Variants in ITGA10 observed in about 807,000 individuals in gnomAD.
ITGA10 encodes the protein integrin alpha-10.
ITGA10 carries 105 observed loss-of-function variants against 145.2 expected under a neutral mutation model. The ratio of observed to expected loss-of-function variants is 0.72; its 90% confidence interval spans 0.62 to 0.85. ITGA10 has a LOEUF of 0.85. ITGA10 is among the 40% of genes least tolerant of loss of function. The pLI, the probability that ITGA10 is intolerant of heterozygous loss-of-function variation, is 0.00. For synonymous variants in ITGA10, 506 were observed against 557.8 expected, an observed-to-expected ratio of 0.91 and a Z score of 1.31; for missense variants, 1,317 against 1,444.5, an observed-to-expected ratio of 0.91 and a Z score of 1.43.
chr1:145,894,840 G>A (rs2101750208), intron 27 of ITGA10, among the ~76,000 whole-genome samples: 1 of 152,320 alleles, frequency 6.6e-6, no homozygotes, highest in African/African-American at 2.4e-5. Flanking sequence ...TTAGGCATGA[G>A]GCTAAATGTT....
chr1:145,894,411 T>A (rs1255865882), intron 27 of ITGA10, among the ~76,000 whole-genome samples: 3 of 152,054 alleles, frequency 2.0e-5, no homozygotes, highest in Admixed American at 2.0e-4. Context: ...CGCCCGGCCA[T>A]GTAGTGGTTT....
chr1:145,908,211 A>G (rs1553752032), intron 1 of ITGA10, among the ~76,000 whole-genome samples: 1 of 152,150 alleles, frequency 6.6e-6, no homozygotes, highest in Admixed American at 6.5e-5. Flanking sequence ...GAAGCTAAGG[A>G]GCACTGCATG....
intron 27 of ITGA10, among the ~76,000 whole-genome samples, chr1:145,894,015 C>T (rs1655047338): frequency 6.6e-6 from 1 of 150,822 alleles, no homozygotes; most frequent in African/African-American, 2.4e-5. Flanking sequence ...CTGTTTTTCA[C>T]TCCTGAACTA....
chr1:145,903,658 T>C (rs1553750021), intron 7 of ITGA10, among the ~76,000 whole-genome samples: 1 of 151,978 alleles, frequency 6.6e-6, no homozygotes. Context: ...CTTCTTTTTT[T>C]TTTTTTAAGG....
rs782630037 is a variant in ITGA10, at chr1:145,901,298, G to A, written c.1444-20C>T. ...ACCAATCTGGGGAATGGTGGGTGAT[G>A]ATGACCCCAGAGAAAAGGGAAGGTA... is the stretch of plus-strand genomic sequence containing the variant. On this transcript the variant is annotated intron_variant, in intron 12 of 29. Transcript: ENST00000369304. The surrounding 1 kb of genome is among the most constrained non-coding windows in gnomAD (Gnocchi z 4.3). 1 of 1,613,428 alleles carries A rather than the reference G, an allele frequency of 6.2e-7. No homozygotes were observed. Among genetic ancestry groups the A allele is most frequent in the Non-Finnish European group, 8.5e-7 (1 of 1,179,596 alleles).
Position 145,896,789 on chromosome 1 carries a change from C to T in ITGA10, c.2814G>A (p.Glu938=), listed in dbSNP as rs1214760376. 1 of 1,613,910 alleles carries T rather than the reference C, an allele frequency of 6.2e-7. No individual in the cohort carries two copies. The highest frequency in any genetic ancestry group is 1.7e-5 in the Admixed American group (1 of 60,004). The change falls in exon 23 of 30, where the codon GAG becomes GAA. Residue 938 remains glutamate (E), a synonymous_variant. Coordinates refer to ENST00000369304, the MANE Select transcript of ITGA10 (RefSeq NM_003637.5). ...CATACCTAGAGAACAGGAGGTGGGG[C>T]TCATATTGGATGTAGGCTGAGGTCT... ...TAQTSAYIQY[E]PHLLFSSEST...
intron 28 of ITGA10, 82 bp from the exon 29 acceptor site, chr1:145,893,356 C>G (rs144842594): frequency 2.7e-6 from 3 of 1,098,720 alleles, no homozygotes; most frequent in Admixed American, 3.5e-5. Flanking sequence ...AGCCAGCCCC[C>G]AAATAGAATA....
At chr1:145,897,361 T>A (rs1553745587) in intron 20 of ITGA10, 22 bp from the exon 21 acceptor site, 4 of 1,612,916 alleles carry the variant, frequency 2.5e-6, no homozygotes, top group Non-Finnish European at 3.4e-6. Context: ...GGAATGGAGA[T>A]AGAAGCTGGA....
chr1:145,895,566 C>T (rs1655266428), intron 26 of ITGA10, 65 bp downstream of exon 26: 1 of 1,530,214 alleles, frequency 6.5e-7, no homozygotes. Context: ...AGTTCCTACC[C>T]TCTTGTCCCA....
At chr1:145,894,398 C>G (rs1428500787) in intron 27 of ITGA10, among the ~76,000 whole-genome samples, 1 of 152,120 alleles carries the variant, frequency 6.6e-6, no homozygotes, top group South Asian at 2.1e-4. Context: ...GCGTGAGCCA[C>G]CGCGCCCGGC....
At chr1:145,904,638 T>C (rs1448290454) in intron 6 of ITGA10, 46 bp downstream of exon 6, 10 of 1,606,884 alleles carry the variant, frequency 6.2e-6, no homozygotes, top group Non-Finnish European at 8.5e-6. Flanking sequence ...ACCTCTTAAG[T>C]AGGTGCCACA....
Position 145,897,640 on chromosome 1 carries a change from C to A in ITGA10, c.2446G>T (p.Val816Leu), listed in dbSNP as rs1036196789. Reference sequence around the variant, plus strand: ...ACTTTCCGCCGGCCACCTCGAACCACAAATGGGGCCTTCCTGGGAATGATG... The same window carrying A: ...ACTTTCCGCCGGCCACCTCGAACCAAAAATGGGGCCTTCCTGGGAATGATG... ...DIRGSRKAPF[V>L]VRGGRRKVLV... The change falls in exon 20 of 30, where the codon GTG becomes TTG. Residue 816 changes from valine (V) to leucine (L), a missense_variant. Transcript: ENST00000369304. 12 of 1,614,140 alleles carry A rather than the reference C, an allele frequency of 7.4e-6. No homozygotes were observed. The highest frequency in any genetic ancestry group is 1.0e-5 in the Non-Finnish European group (12 of 1,180,044).
chr1:145,904,067 G>C lies in ITGA10; in HGVS notation c.743C>G (p.Ala248Gly), dbSNP rs782416741. ...REGRETKTAQ[A>G]IMVACTEGFS... Reference sequence around the variant, plus strand: ...AATGCCTCACCAGGCCACCATTATTGCTTGGGCAGTCTTTGTTTCTCGTCC... The same window carrying C: ...AATGCCTCACCAGGCCACCATTATTCCTTGGGCAGTCTTTGTTTCTCGTCC... The change falls in exon 7 of 30, where the codon GCA (alanine) becomes GGA (glycine). Residue 248 changes from alanine (A) to glycine (G), a missense_variant. Ala to Gly is a moderately conservative substitution (Grantham distance 60, BLOSUM62 0). Transcript: ENST00000369304. 2 of 1,613,806 alleles carry C rather than the reference G, an allele frequency of 1.2e-6. No homozygotes were observed. The highest frequency in any genetic ancestry group is 1.7e-6 in the Non-Finnish European group (2 of 1,179,992).
chr1:145,897,599 A>T lies in ITGA10; in HGVS notation c.2487T>A (p.Thr829=), dbSNP rs1434255970. Residue 829 remains threonine (T), a synonymous_variant, in exon 20 of 30, where the codon ACT becomes ACA. Coordinates refer to ENST00000369304, the MANE Select transcript of ITGA10 (RefSeq NM_003637.5). ...AAGCATTTTCCTTTCTGTTCTCCAG[A>T]GTTGTAGATACCAGCACTTTCCGCC... The part of the protein sequence containing the change: ...GGRRKVLVST[T]LENRKENAYN... The T allele has an allele frequency of 6.8e-6, 11 of 1,614,006 alleles. No homozygotes were observed. Among genetic ancestry groups the T allele is most frequent in the Admixed American group, 1.7e-5 (1 of 59,984 alleles).
chr1:145,896,989 A>G (rs367841274), intron 22 of ITGA10, 22 bp downstream of exon 22: 1 of 1,607,798 alleles, frequency 6.2e-7, no homozygotes, highest in Non-Finnish European at 8.5e-7. Context: ...GAGGTCTGGA[A>G]GAAAGTTCCC....
chr1:145,900,835 G>T lies in ITGA10; in HGVS notation c.1746C>A (p.Tyr582Ter), dbSNP rs1656194255. Residue 582 changes from tyrosine to a stop codon, truncating the protein, a stop_gained, in exon 14 of 30, where the codon TAC (tyrosine) becomes TAA (stop). Coordinates refer to ENST00000369304, the MANE Select transcript of ITGA10 (RefSeq NM_003637.5). LOFTEE classifies it high-confidence loss of function. ...CTCCACTCTGGGTTCCATGGTACAGGTACAGTGCTCCCTGGTGCCCATCTT... is the reference window on the plus strand; with the variant it reads ...CTCCACTCTGGGTTCCATGGTACAGTTACAGTGCTCCCTGGTGCCCATCTT... ...PLEDGHQGALYLYHGTQSGVR... is the reference protein window; with the variant it reads ...PLEDGHQGAL The T allele has an allele frequency of 1.9e-6, 3 of 1,613,964 alleles. No homozygotes were observed. Among genetic ancestry groups the T allele is most frequent in the Non-Finnish European group, 2.5e-6 (3 of 1,180,022 alleles).
intron 10 of ITGA10, 21 bp downstream of exon 10, chr1:145,902,225 G>A (rs1010262268): frequency 1.9e-6 from 3 of 1,611,736 alleles, no homozygotes; most frequent in Admixed American, 1.7e-5. Flanking sequence ...GAGAAGTAAT[G>A]AAGGGGTCAA....
intron 27 of ITGA10, 96 bp from the exon 28 acceptor site, chr1:145,893,731 A>G (rs1655008773): frequency 2.2e-6 from 2 of 920,028 alleles, no homozygotes; most frequent in Non-Finnish European, 1.7e-6. Context: ...GCTGAGAGGC[A>G]TAATGTTGAG....
Position 145,892,811 on chromosome 1 carries a change from T to C in ITGA10, c.3491A>G (p.Lys1164Arg). Residue 1164 changes from lysine to arginine, a missense_variant, in exon 30 of 30, where the codon AAG becomes AGG. By Grantham distance (26) the Lys-to-Arg change is conservative (BLOSUM62 2). Coordinates refer to ENST00000369304, the MANE Select transcript of ITGA10 (RefSeq NM_003637.5). ...CTTATTCTACATTCATTGCTCCAACTTCTCTTCTCTTTTTTCTTCCTCAGG... is the reference window on the plus strand; with the variant it reads ...CTTATTCTACATTCATTGCTCCAACCTCTCTTCTCTTTTTTCTTCCTCAGG... ...KIPEEEKREE[K>R]LEQ 1 of 1,613,306 alleles carries C rather than the reference T, an allele frequency of 6.2e-7. No homozygotes were observed. Among genetic ancestry groups the C allele is most frequent in the Non-Finnish European group, 8.5e-7 (1 of 1,179,282 alleles).
Sources: allele counts gnomAD v4.1 joint callset (sites outside exome capture counted in the v4.1 genomes callset), GRCh38; gene constraint gnomAD v4.1.1; non-coding constraint Gnocchi (gnomAD v3.1); transcripts MANE v1.5; gene names NCBI Gene and HGNC (gene_info 2026-07-23, HGNC 2026-07-21).